Variants in HPSE2 observed in about 807,000 individuals in gnomAD.
HPSE2 encodes inactive heparanase-2.
Under a neutral mutation model 60.5 loss-of-function variants are expected in HPSE2, and 38 were observed. The ratio of observed to expected loss-of-function variants is 0.63; its 90% confidence interval spans 0.48 to 0.82. HPSE2 has a LOEUF of 0.82. Ranked by LOEUF, HPSE2 falls within the 40% of genes least tolerant of loss-of-function variation. The pLI, the probability that HPSE2 is intolerant of heterozygous loss-of-function variation, is 0.00. For synonymous variants in HPSE2, 295 were observed against 293.2 expected (o/e 1.01, Z -0.06); for missense variants, 713 against 740.4 (o/e 0.96, Z 0.43).
chr10:98,544,054 T>G (rs1943567534), intron 9 of HPSE2, among the ~76,000 whole-genome samples: 1 of 151,344 alleles, frequency 6.6e-6, no homozygotes. Flanking sequence ...ACCACACCTA[T>G]TCCAAAATTG....
At chr10:98,744,213 C>T (rs1949570697) in intron 3 of HPSE2, 157 bp from the exon 4 acceptor site, 5 of 754,920 alleles carry the variant, frequency 6.6e-6, no homozygotes, top group Non-Finnish European at 8.9e-6. Flanking sequence ...GGTCTGGGTA[C>T]ATTTCAAGTT....
At chr10:98,726,066 A>G (rs1161274946) in intron 4 of HPSE2, among the ~76,000 whole-genome samples, 1 of 152,212 alleles carries the variant, frequency 6.6e-6, no homozygotes, top group Admixed American at 6.5e-5. Context: ...CCATTGTGGA[A>G]GTTGGTGTGG....
intron 6 of HPSE2, among the ~76,000 whole-genome samples, chr10:98,689,876 T>C (rs565174536): frequency 1.3e-5 from 2 of 152,318 alleles, no homozygotes; most frequent in African/African-American, 4.8e-5. Context: ...GGCATAACTC[T>C]TTTAGATTTC....
chr10:98,483,310 T>C (rs1941314862), intron 10 of HPSE2, among the ~76,000 whole-genome samples: 1 of 152,216 alleles, frequency 6.6e-6, no homozygotes, highest in African/African-American at 2.4e-5. Flanking sequence ...ATCTTAAACA[T>C]ATTCCCATGT....
rs533143536 is a variant in HPSE2 at position 98,817,473 on chromosome 10, T to C, written c.611-73417A>G. Among the ~76,000 whole-genome samples the C allele has an allele frequency of 5.9e-5, 9 of 152,316 alleles. No homozygotes were observed. In the South Asian group the frequency reaches 1.0e-3, roughly 18 times the overall value. ...CAAAACAACCTGAATGAAGTACATA[T>C]TTTAGTTAGCATCTGGAGGCATCCA... On this transcript the variant is annotated intron_variant, in intron 3 of 11. Transcript: ENST00000370552.
chr10:98,524,297 G>C (rs536130102), intron 9 of HPSE2, among the ~76,000 whole-genome samples: 102 of 152,304 alleles, frequency 6.7e-4, no homozygotes, highest in Non-Finnish European at 1.3e-3. Flanking sequence ...ATATAGTGTT[G>C]CAATGCCCCG....
chr10:98,864,140 A>T (rs1243748220), intron 3 of HPSE2, among the ~76,000 whole-genome samples: 1 of 152,182 alleles, frequency 6.6e-6, no homozygotes, highest in Non-Finnish European at 1.5e-5. Flanking sequence ...CTGGGTTCTA[A>T]GTGACCAACC....
intron 2 of HPSE2, among the ~76,000 whole-genome samples, chr10:99,165,822 A>G (rs1002229027): frequency 1.2e-4 from 19 of 152,084 alleles, no homozygotes; most frequent in Non-Finnish European, 2.5e-4. Flanking sequence ...GATTACAGGC[A>G]TGAGCCACCA....
At chr10:98,672,152 AG>A (rs1947523114) in intron 6 of HPSE2, among the ~76,000 whole-genome samples, 1 of 152,222 alleles carries the variant, frequency 6.6e-6, no homozygotes, top group Admixed American at 6.5e-5. Context: ...TGCTGTTGGT[AG>A]TTCTTTCATG....
intron 3 of HPSE2, among the ~76,000 whole-genome samples, chr10:98,804,740 A>C (rs1171341006): frequency 6.6e-6 from 1 of 151,706 alleles, no homozygotes; most frequent in Non-Finnish European, 1.5e-5. Flanking sequence ...TCAGAAAACT[A>C]AAAATAGAGC....
intron 3 of HPSE2, among the ~76,000 whole-genome samples, chr10:98,890,780 C>A (rs1953313210): frequency 6.6e-6 from 1 of 152,130 alleles, no homozygotes; most frequent in African/African-American, 2.4e-5. Flanking sequence ...GAGCCTTACA[C>A]ATACCGATAC....
chr10:99,084,525 T>C (rs893036158), intron 3 of HPSE2, among the ~76,000 whole-genome samples: 2 of 152,168 alleles, frequency 1.3e-5, no homozygotes, highest in Non-Finnish European at 2.9e-5. Context: ...CAGAGAGTTA[T>C]TTTTAAAGTT....
chr10:98,670,822 C>T (rs950787320), intron 6 of HPSE2, among the ~76,000 whole-genome samples: 1 of 152,222 alleles, frequency 6.6e-6, no homozygotes, highest in Admixed American at 6.5e-5. Context: ...CAATCAATCA[C>T]GACCCTTTCA....
rs536086359 is a variant in HPSE2, at chr10:98,937,900, G to A, written c.611-193844C>T. Among the ~76,000 whole-genome samples, 203 of 143,600 alleles carry A rather than the reference G, an allele frequency of 1.4e-3. 43 individuals are homozygous for A. Among genetic ancestry groups the A allele is most frequent in the African/African-American group, 5.6e-3 (199 of 35,228 alleles). 94.2% of individuals were successfully genotyped at this position (143,600 alleles called of 152,430 possible). A position where few individuals can be genotyped will look rare whatever the true frequency, so the allele number is the denominator to read the frequency against. On this transcript the variant is annotated intron_variant, in intron 3 of 11. Transcript: ENST00000370552. ...CTCCTCTGAGACAAAACTTCCAGAG[G>A]AACGATCAGACAGCAGCATTCGCGG... is the stretch of plus-strand genomic sequence containing the variant.
At chr10:99,244,466 G>C in the HPSE2 span, among the ~76,000 whole-genome samples, 8 of 148,292 alleles carry the variant, frequency 5.4e-5, no homozygotes, top group African/African-American at 2.0e-4. Flanking sequence ...GAGCGCAATG[G>C]TGTGATCATG....
intron 9 of HPSE2, among the ~76,000 whole-genome samples, chr10:98,535,160 A>G (rs1007226701): frequency 2.6e-5 from 4 of 152,190 alleles, no homozygotes; most frequent in Non-Finnish European, 5.9e-5. Context: ...CAGATTTCTT[A>G]GCTTTTAGAT....
At chr10:99,015,381 T>C (rs1957115095) in intron 3 of HPSE2, among the ~76,000 whole-genome samples, 1 of 152,184 alleles carries the variant, frequency 6.6e-6, no homozygotes, top group African/African-American at 2.4e-5. Context: ...ATGTTTATTG[T>C]GGCACTATTC....
intron 2 of HPSE2, among the ~76,000 whole-genome samples, chr10:99,176,719 T>A (rs1301250857): frequency 6.6e-6 from 1 of 151,976 alleles, no homozygotes. Context: ...ATCCAGAACT[T>A]CCTCAACCTA....
At chr10:99,252,799 C>T in the HPSE2 span, among the ~76,000 whole-genome samples, 1 of 149,916 alleles carries the variant, frequency 6.7e-6, no homozygotes, top group African/African-American at 2.5e-5. Context: ...ATGGCATGAA[C>T]CTGGGAGGCA....
Sources: allele counts gnomAD v4.1 joint callset (sites outside exome capture counted in the v4.1 genomes callset), GRCh38; gene constraint gnomAD v4.1.1; transcripts MANE v1.5; gene names NCBI Gene and HGNC (gene_info 2026-07-23, HGNC 2026-07-21).